The following ADGRB3 variants were observed in gnomAD, a reference collection of about 807,000 sequenced individuals.
ADGRB3 encodes the protein brain-specific angiogenesis inhibitor 3.
In ADGRB3, 37 loss-of-function variants were observed where a neutral mutation model predicts 193.4. The observed-to-expected ratio is 0.19, with a 90% CI of 0.15 to 0.25. The LOEUF (loss-of-function observed/expected upper bound fraction) is 0.25, where lower values mean the gene tolerates loss of function less well. Among genes scored for constraint, ADGRB3 ranks in the 10% least tolerant of loss-of-function variants. The probability of loss-of-function intolerance (pLI) is 1.00; values close to 1 mark genes in which losing one functional copy is unlikely to be tolerated. For synonymous variants in ADGRB3, 690 were observed against 644.2 expected, an observed-to-expected ratio of 1.07 and a Z score of -1.08; for missense variants, 1,637 against 1,852.9, an observed-to-expected ratio of 0.88 and a Z score of 2.14.
Position 69,052,347 on chromosome 6 carries a change from G to A in ADGRB3, c.2333+3001G>A, listed in dbSNP as rs1005257236. Among the ~76,000 whole-genome samples the A allele has an allele frequency of 2.6e-5, 4 of 152,126 alleles. No homozygotes were observed. The East Asian group carries it at 7.7e-4, about 29-fold the overall frequency. ...ATGTTTGTGTGAATTGAACTCAATA[G>A]GAAAGATCTTCTTATTCAACATAAA... On this transcript the variant is annotated intron_variant, in intron 15 of 31. Transcript: ENST00000370598.
At chr6:69,173,090 T>C (rs971774115) in intron 17 of ADGRB3, among the ~76,000 whole-genome samples, 1 of 152,208 alleles carries the variant, frequency 6.6e-6, no homozygotes, top group African/African-American at 2.4e-5. Flanking sequence ...CAGGCTAGAG[T>C]ACAGTGGTGT....
In ADGRB3 at chr6:69,332,563, G is replaced by T. The variant is rs1768753175; in HGVS notation, c.3103-360G>T. The T allele has an allele frequency of 5.1e-6, 5 of 985,246 alleles. No homozygotes were observed. The African/African-American group carries it at 8.7e-5, about 17-fold the overall frequency. The allele number at this position is 985,246 out of a possible 1,614,324, so 61.0% of individuals were successfully genotyped here. On this transcript the variant is annotated intron_variant, in intron 23 of 31. Coordinates refer to ENST00000370598, the MANE Select transcript of ADGRB3 (RefSeq NM_001704.3). Reference sequence around the variant, plus strand: ...AAGATTCAGAATCTCCTGGCTCATGGGCATAGGGTAAAACTGCTTTAGCCA... The same window carrying T: ...AAGATTCAGAATCTCCTGGCTCATGTGCATAGGGTAAAACTGCTTTAGCCA...
At chr6:69,077,650 G>T (rs1218127822) in intron 17 of ADGRB3, among the ~76,000 whole-genome samples, 1 of 151,928 alleles carries the variant, frequency 6.6e-6, no homozygotes, top group Non-Finnish European at 1.5e-5. Context: ...TCTGAGGTTA[G>T]CATTCACCTG....
Position 69,388,966 on chromosome 6 carries a change from C to A in ADGRB3, c.*75C>A. The A allele has an allele frequency of 7.1e-7, 1 of 1,408,524 alleles. No individual in the cohort carries two copies. Among genetic ancestry groups the A allele is most frequent in the Non-Finnish European group, 9.6e-7 (1 of 1,038,770 alleles). 87.3% of individuals were successfully genotyped at this position (1,408,524 alleles called of 1,614,324 possible). A position where few individuals can be genotyped will look rare whatever the true frequency, so the allele number is the denominator to read the frequency against. The stretch of plus-strand genomic sequence containing the variant: ...TTAAGACTTGGGAAGCCTGACATTT[C>A]TATCTGGACAGTGTGACTATCTTAT... On this transcript the variant is annotated 3_prime_UTR_variant, in exon 32 of 32. Coordinates refer to ENST00000370598, the MANE Select transcript of ADGRB3 (RefSeq NM_001704.3).
intron 17 of ADGRB3, among the ~76,000 whole-genome samples, chr6:69,213,429 G>T (rs1454263285): frequency 6.6e-6 from 1 of 152,120 alleles, no homozygotes; most frequent in Admixed American, 6.5e-5. Context: ...GCATGATTCA[G>T]GATTATACCT....
intron 17 of ADGRB3, among the ~76,000 whole-genome samples, chr6:69,187,894 C>T (rs1338008477): frequency 2.6e-5 from 4 of 152,164 alleles, no homozygotes; most frequent in Non-Finnish European, 4.4e-5. Flanking sequence ...GTTCTAAAAT[C>T]AGCAAAGATG....
At chr6:68,868,715 CTA>C (rs2150218468) in intron 3 of ADGRB3, among the ~76,000 whole-genome samples, 1 of 152,188 alleles carries the variant, frequency 6.6e-6, no homozygotes, top group South Asian at 2.1e-4. Flanking sequence ...ACCTTGATAA[CTA>C]TTATTATCTT....
intron 17 of ADGRB3, among the ~76,000 whole-genome samples, chr6:69,101,702 TGTGA>T (rs1474037040): frequency 6.6e-6 from 1 of 151,914 alleles, no homozygotes; most frequent in Admixed American, 6.6e-5. Flanking sequence ...TCTTTGTGTG[TGTGA>T]GTGTGTGTGT....
At chr6:68,639,986 G>C (rs1768045969) in intron 3 of ADGRB3, among the ~76,000 whole-genome samples, 1 of 152,106 alleles carries the variant, frequency 6.6e-6, no homozygotes, top group Non-Finnish European at 1.5e-5. Flanking sequence ...ACACATGAAG[G>C]CAGGTGTACC....
intron 3 of ADGRB3, among the ~76,000 whole-genome samples, chr6:68,922,393 G>T (rs1011971318): frequency 6.6e-5 from 10 of 152,176 alleles, no homozygotes; most frequent in Non-Finnish European, 1.2e-4. Context: ...CACATGCAAG[G>T]TAAACCTTGA....
chr6:68,718,911 A>T (rs528758296), intron 3 of ADGRB3, among the ~76,000 whole-genome samples: 1 of 151,918 alleles, frequency 6.6e-6, no homozygotes, highest in East Asian at 1.9e-4. Context: ...TTTGCGCTGT[A>T]ACAGCAGAGT....
At chr6:68,986,839 A>G (rs1769090423) in intron 10 of ADGRB3, among the ~76,000 whole-genome samples, 1 of 152,158 alleles carries the variant, frequency 6.6e-6, no homozygotes, top group South Asian at 2.1e-4. Context: ...GCACAGAGCA[A>G]CTATGATAAA....
intron 3 of ADGRB3, among the ~76,000 whole-genome samples, chr6:68,904,120 A>C (rs76710678): frequency 3.0e-4 from 18 of 60,494 alleles, no homozygotes; most frequent in Non-Finnish European, 5.0e-4. Context: ...GAAGGGAGGG[A>C]GGGAGGAAGG....
intron 3 of ADGRB3, among the ~76,000 whole-genome samples, chr6:68,797,069 G>A (rs1767222770): frequency 6.6e-6 from 1 of 152,146 alleles, no homozygotes; most frequent in African/African-American, 2.4e-5. Context: ...ATAGCTAGCA[G>A]CAAAAGTAAG....
At chr6:69,235,289 A>G (rs1284855685) in intron 19 of ADGRB3, among the ~76,000 whole-genome samples, 154 bp downstream of exon 19, 1 of 152,118 alleles carries the variant, frequency 6.6e-6, no homozygotes, top group African/African-American at 2.4e-5. Flanking sequence ...GAGCTTTAAT[A>G]AATGAATTAT....
intron 17 of ADGRB3, among the ~76,000 whole-genome samples, chr6:69,164,234 C>T (rs1029840887): frequency 1.3e-5 from 2 of 152,030 alleles, no homozygotes; most frequent in Non-Finnish European, 2.9e-5. Flanking sequence ...TCCCATTTAT[C>T]TTTTTTCCCC....
At chr6:69,209,899 A>C (rs746297628) in intron 17 of ADGRB3, among the ~76,000 whole-genome samples, 2 of 151,880 alleles carry the variant, frequency 1.3e-5, no homozygotes, top group Non-Finnish European at 2.9e-5. Context: ...GTTCATGCCA[A>C]GGACTATCAG....
At chr6:69,116,732 A>G (rs1018114704) in intron 17 of ADGRB3, among the ~76,000 whole-genome samples, 1 of 152,158 alleles carries the variant, frequency 6.6e-6, no homozygotes, top group Non-Finnish European at 1.5e-5. Context: ...AAAGTATATG[A>G]TTTTCGGAAT....
intron 17 of ADGRB3, among the ~76,000 whole-genome samples, chr6:69,095,813 G>GCA (rs143832948): frequency 6.7e-4 from 101 of 151,244 alleles, no homozygotes; most frequent in African/African-American, 2.1e-3. Context: ...ATGCACGCGT[G>GCA]CACACACACA....
Sources: gnomAD v4.1 joint callset for allele counts (sites outside exome capture counted in the v4.1 genomes callset) on GRCh38, gnomAD v4.1.1 for gene constraint, MANE v1.5 for transcripts, NCBI Gene and HGNC (gene_info 2026-07-23, HGNC 2026-07-21) for gene names.